The following OR14I1 variants were observed in gnomAD, a reference collection of about 807,000 sequenced individuals.
The protein encoded by OR14I1 is olfactory receptor 14I1.
For missense variants in OR14I1, 279 were observed against 181.8 expected (o/e 1.53, Z -3.07); for synonymous variants, 118 against 71.1 (o/e 1.66, Z -3.32).
chr1:248,692,443 C>G, the OR14I1 span, among the ~76,000 whole-genome samples: 9 of 152,380 alleles, frequency 5.9e-5, no homozygotes, highest in South Asian at 1.9e-3. Context: ...TCCGCATTCC[C>G]ACATCCCTGC....
upstream of OR14I1, among the ~76,000 whole-genome samples, chr1:248,683,651 A>C (rs747611306): frequency 6.6e-6 from 1 of 152,240 alleles, no homozygotes; most frequent in Non-Finnish European, 1.5e-5. Flanking sequence ...TAATGAAAAA[A>C]TTTGAAGATA....
upstream of OR14I1, among the ~76,000 whole-genome samples, chr1:248,684,998 T>C (rs1661623156): frequency 6.6e-6 from 1 of 152,132 alleles, no homozygotes; most frequent in African/African-American, 2.4e-5. Flanking sequence ...TTCTAGATTT[T>C]GGATATTTCA....
At chr1:248,702,602 A>C in the OR14I1 span, among the ~76,000 whole-genome samples, 1 of 151,900 alleles carries the variant, frequency 6.6e-6, no homozygotes, top group East Asian at 1.9e-4. Flanking sequence ...CTGTTCTCCC[A>C]GCTTCCAGCC....
At chr1:248,696,338 AG>A in the OR14I1 span, among the ~76,000 whole-genome samples, 56 of 152,322 alleles carry the variant, frequency 3.7e-4, no homozygotes, top group Non-Finnish European at 6.2e-4. Flanking sequence ...AATTTTCCAC[AG>A]ATTTCCACCT....
At chr1:248,691,446 G>A in the OR14I1 span, among the ~76,000 whole-genome samples, 1,389 of 152,332 alleles carry the variant, frequency 9.1e-3, 20 homozygotes, top group South Asian at 0.06. Context: ...AGAGAATTAA[G>A]TATATAGGTA....
chr1:248,680,543 G>C (rs190694153), downstream of OR14I1, among the ~76,000 whole-genome samples: 3 of 152,290 alleles, frequency 2.0e-5, no homozygotes, highest in African/African-American at 7.2e-5. Flanking sequence ...ATGGCAGACA[G>C]CCCATGTGCC....
At chr1:248,678,951 C>T (rs1211091073), downstream of OR14I1, among the ~76,000 whole-genome samples, 2 of 152,130 alleles carry the variant, frequency 1.3e-5, no homozygotes, top group East Asian at 1.9e-4. Context: ...AGAAGAATCC[C>T]TCCAAAAGCT....
chr1:248,692,101 A>T, the OR14I1 span: 1 of 152,342 alleles, frequency 6.6e-6, no homozygotes, highest in African/African-American at 2.4e-5. Flanking sequence ...AACTGAGCTC[A>T]CTGGCTCCTC....
the OR14I1 span, among the ~76,000 whole-genome samples, chr1:248,689,896 C>T: frequency 2.6e-5 from 4 of 152,096 alleles, no homozygotes; most frequent in African/African-American, 9.7e-5. Flanking sequence ...CCACAGTGCA[C>T]CAAATTAGAA....
At chr1:248,701,438 G>A in the OR14I1 span, among the ~76,000 whole-genome samples, 1 of 152,182 alleles carries the variant, frequency 6.6e-6, no homozygotes, top group Admixed American at 6.5e-5. Flanking sequence ...ACAGGCGTGA[G>A]CCACTGCACA....
At chr1:248,693,899 TA>T in the OR14I1 span, among the ~76,000 whole-genome samples, 8,186 of 132,210 alleles carry the variant, frequency 0.062, 338 homozygotes, top group African/African-American at 0.14. Context: ...CAGAACTTTT[TA>T]AAAAAAAAAA....
upstream of OR14I1, among the ~76,000 whole-genome samples, chr1:248,684,757 C>CATGTATATATATATATATATATATATAT (rs1661616527): frequency 1.4e-5 from 2 of 145,064 alleles, no homozygotes; most frequent in African/African-American, 5.2e-5. Flanking sequence ...CACACACATA[C>CATGTATATATATATATATATATATATAT]ATATATATAT....
the OR14I1 span, among the ~76,000 whole-genome samples, chr1:248,694,533 C>T: frequency 1.3e-5 from 2 of 152,088 alleles, no homozygotes; most frequent in African/African-American, 4.8e-5. Flanking sequence ...ATCAAATGCT[C>T]TACATCTTGT....
exon 1 of OR14I1, chr1:248,681,382 A>T: frequency 6.7e-6 from 5 of 749,250 alleles, no homozygotes; most frequent in African/African-American, 1.7e-5. Flanking sequence ...CTTTTGCAGA[A>T]AATATATCTT....
At chr1:248,701,055 A>G in the OR14I1 span, among the ~76,000 whole-genome samples, 2 of 152,266 alleles carry the variant, frequency 1.3e-5, no homozygotes, top group African/African-American at 2.4e-5. Flanking sequence ...TTAGCCTCCA[A>G]TCAAAGGAAA....
the OR14I1 span, among the ~76,000 whole-genome samples, chr1:248,696,320 T>C: frequency 1.3e-5 from 2 of 152,220 alleles, no homozygotes; most frequent in African/African-American, 4.8e-5. Flanking sequence ...TTTTTTCCCC[T>C]TGCTCTTAAT....
At chr1:248,701,491 A>C in the OR14I1 span, among the ~76,000 whole-genome samples, 1 of 152,196 alleles carries the variant, frequency 6.6e-6, no homozygotes, top group Non-Finnish European at 1.5e-5. Context: ...TTTGATTGTC[A>C]TCAACATTGT....
exon 1 of OR14I1, chr1:248,681,346 T>A (rs373704091): frequency 9.6e-5 from 64 of 669,400 alleles, no homozygotes; most frequent in Non-Finnish European, 1.6e-4. Flanking sequence ...TTGCAGATCT[T>A]CTATAGTAAA....
chr1:248,681,077 G>A (rs1172364614), downstream of OR14I1, among the ~76,000 whole-genome samples: 4 of 151,520 alleles, frequency 2.6e-5, no homozygotes, highest in East Asian at 2.0e-4. Flanking sequence ...AAAGCAGTTC[G>A]AACATGTGTG....
Sources: gnomAD v4.1 joint callset for allele counts (sites outside exome capture counted in the v4.1 genomes callset) on GRCh38, gnomAD v4.1.1 for gene constraint, MANE v1.5 for transcripts, NCBI Gene and HGNC (gene_info 2026-07-23, HGNC 2026-07-21) for gene names.